The following MAGI1 variants were observed in gnomAD, a reference collection of about 807,000 sequenced individuals.
MAGI1 encodes membrane-associated guanylate kinase, WW and PDZ domain-containing protein 1.
In MAGI1, 58 loss-of-function variants were observed where a neutral mutation model predicts 139.9. The ratio of observed to expected loss-of-function variants is 0.41; its 90% CI spans 0.34 to 0.52. The LOEUF (loss-of-function observed/expected upper bound fraction) is 0.52. MAGI1 is among the 20% of genes least tolerant of loss of function. The pLI, the probability that MAGI1 is intolerant of heterozygous loss-of-function variation, is 0.12. For missense variants in MAGI1, 1,874 were observed against 1,901.6 expected, an observed-to-expected ratio of 0.99 and a Z score of 0.27; for synonymous variants, 812 against 737.9, an observed-to-expected ratio of 1.10 and a Z score of -1.63.
chr3:65,677,303 T>A (rs183537962), intron 1 of MAGI1, among the ~76,000 whole-genome samples: 257 of 152,248 alleles, frequency 1.7e-3, no homozygotes, highest in African/African-American at 5.6e-3. Flanking sequence ...ATTGGCCAGC[T>A]AGGGTCAAGG....
chr3:65,415,018 A>C (rs1157673308), intron 12 of MAGI1, among the ~76,000 whole-genome samples: 1 of 66,832 alleles, frequency 1.5e-5, no homozygotes, highest in Non-Finnish European at 3.9e-5. Context: ...AAAAAAAAAA[A>C]ACAAAAAAAA....
chr3:65,887,667 G>A (rs188554610), intron 1 of MAGI1, among the ~76,000 whole-genome samples: 92 of 152,220 alleles, frequency 6.0e-4, no homozygotes, highest in African/African-American at 1.7e-3. Flanking sequence ...TGGTTAGGAC[G>A]TTAATAAGCT....
At position 65,429,400 on chromosome 3, in the gene MAGI1, A is replaced by G. The variant is rs1051128569; in HGVS notation, c.2167+120T>C. ...GAGGTTAGTATTTGGAGAAATCAGT[A>G]GGCATTTTGAAACATTTAAATAAAT... On this transcript the variant is annotated intron_variant, in intron 12 of 22. Coordinates refer to ENST00000402939, the MANE Select transcript of MAGI1 (RefSeq NM_001033057.2). 21 of 1,042,954 alleles carry G rather than the reference A, an allele frequency of 2.0e-5. No homozygotes were observed. In the African/African-American group the frequency reaches 3.1e-4, roughly 15 times the overall value. 64.6% of individuals were successfully genotyped at this position (1,042,954 alleles called of 1,614,324 possible). A position where few individuals can be genotyped will look rare whatever the true frequency, so the allele number is the denominator to read the frequency against.
chr3:65,365,157 CCTCCCAAACAGACAT>C (rs1941293670), intron 18 of MAGI1: 1 of 737,042 alleles, frequency 1.4e-6, no homozygotes, highest in Admixed American at 1.7e-5. Flanking sequence ...CCATGACCCT[CCTCCCAAACAGACAT>C]CTCCACAAAT....
At chr3:65,982,343 C>T (rs1241740825) in intron 1 of MAGI1, among the ~76,000 whole-genome samples, 1 of 152,152 alleles carries the variant, frequency 6.6e-6, no homozygotes, top group Non-Finnish European at 1.5e-5. Flanking sequence ...TTCTTTGGTG[C>T]AAGGTCTATC....
At chr3:65,574,281 GGGGGTTT>G (rs2081085600) in intron 2 of MAGI1, among the ~76,000 whole-genome samples, 1 of 150,160 alleles carries the variant, frequency 6.7e-6, no homozygotes, top group Non-Finnish European at 1.5e-5. Flanking sequence ...TGCTTGCCAT[GGGGGTTT>G]TCTGTACAGG....
chr3:65,679,306 T>C (rs567526296), intron 1 of MAGI1, among the ~76,000 whole-genome samples: 3 of 152,214 alleles, frequency 2.0e-5, no homozygotes, highest in Non-Finnish European at 4.4e-5. Flanking sequence ...ACCACCCTTT[T>C]ACAGACAGCC....
chr3:65,620,631 G>T (rs2083613592), intron 2 of MAGI1, among the ~76,000 whole-genome samples: 1 of 152,184 alleles, frequency 6.6e-6, no homozygotes, highest in Non-Finnish European at 1.5e-5. Flanking sequence ...TTACTACGAG[G>T]TTATTACTAG....
At chr3:65,854,635 T>C (rs773281525) in intron 1 of MAGI1, among the ~76,000 whole-genome samples, 8 of 152,374 alleles carry the variant, frequency 5.3e-5, no homozygotes, top group Admixed American at 4.6e-4. Flanking sequence ...AAGGAAGTTT[T>C]GTTTGGAAGA....
chr3:65,664,812 A>G (rs1262683088), intron 1 of MAGI1, among the ~76,000 whole-genome samples: 2 of 152,166 alleles, frequency 1.3e-5, no homozygotes, highest in Admixed American at 6.5e-5. Context: ...TGCTTTTTAC[A>G]GTCTATTTAG....
intron 1 of MAGI1, among the ~76,000 whole-genome samples, chr3:66,006,224 G>C (rs1260933898): frequency 6.6e-6 from 1 of 152,180 alleles, no homozygotes; most frequent in African/African-American, 2.4e-5. Flanking sequence ...CACTTGTGTG[G>C]CTGGCTGCTA....
At chr3:65,650,043 A>G (rs2085494085) in intron 1 of MAGI1, among the ~76,000 whole-genome samples, 1 of 152,176 alleles carries the variant, frequency 6.6e-6, no homozygotes, top group Non-Finnish European at 1.5e-5. Context: ...TCCCCAATGC[A>G]ACAATGTTGA....
intron 1 of MAGI1, among the ~76,000 whole-genome samples, chr3:65,625,007 G>A (rs2083891570): frequency 6.6e-6 from 1 of 151,984 alleles, no homozygotes; most frequent in Non-Finnish European, 1.5e-5. Context: ...CGAGTAGCAG[G>A]GATTACAGGC....
intron 1 of MAGI1, among the ~76,000 whole-genome samples, chr3:65,796,913 T>C (rs1320237092): frequency 1.3e-5 from 2 of 152,266 alleles, no homozygotes; most frequent in Non-Finnish European, 2.9e-5. Context: ...GGGCCATAGT[T>C]TGAGGATGCC....
At chr3:65,597,889 C>T (rs2082293131) in intron 2 of MAGI1, 1 of 446,610 alleles carries the variant, frequency 2.2e-6, no homozygotes, top group Non-Finnish European at 4.4e-6. Context: ...CCACGCTGGT[C>T]CTTGGCTCTG....
At chr3:65,804,900 C>G (rs554660565) in intron 1 of MAGI1, among the ~76,000 whole-genome samples, 10 of 152,280 alleles carry the variant, frequency 6.6e-5, no homozygotes, top group African/African-American at 2.4e-4. Flanking sequence ...AAAATTGAAA[C>G]TGGAACCCTT....
chr3:65,691,308 A>AAAAAAAAAAAAAAAAAAAAAG (rs1383101472), intron 1 of MAGI1, among the ~76,000 whole-genome samples: 1 of 134,900 alleles, frequency 7.4e-6, no homozygotes, highest in Non-Finnish European at 1.7e-5. Flanking sequence ...GTCTCAAAAA[A>AAAAAAAAAAAAAAAAAAAAAG]AAAAAAAGAA....
intron 3 of MAGI1, among the ~76,000 whole-genome samples, chr3:65,484,625 G>C (rs991253817): frequency 1.3e-5 from 2 of 152,086 alleles, no homozygotes; most frequent in African/African-American, 4.8e-5. Flanking sequence ...CCAAGCACTT[G>C]TCCTGATTGC....
At chr3:65,567,359 C>T (rs1391371877) in intron 2 of MAGI1, among the ~76,000 whole-genome samples, 2 of 152,010 alleles carry the variant, frequency 1.3e-5, no homozygotes, top group African/African-American at 4.8e-5. Flanking sequence ...AAGGAATGAC[C>T]CCCACTGACC....
Sources: allele counts gnomAD v4.1 joint callset (sites outside exome capture counted in the v4.1 genomes callset), GRCh38; gene constraint gnomAD v4.1.1; transcripts MANE v1.5; gene names NCBI Gene and HGNC (gene_info 2026-07-23, HGNC 2026-07-21).